The following SCAND3 variants were observed in gnomAD, a reference collection of about 807,000 sequenced individuals.
SCAND3 encodes SCAN domain-containing protein 3.
chr6:28,589,453 C>G, the SCAND3 span: 1 of 151,236 alleles, frequency 6.6e-6, no homozygotes, highest in South Asian at 2.1e-4. Flanking sequence ...TGGGACCTTT[C>G]AAAGGTGAAC....
the SCAND3 span, among the ~76,000 whole-genome samples, chr6:28,592,481 C>A: frequency 6.6e-6 from 1 of 152,054 alleles, no homozygotes; most frequent in Non-Finnish European, 1.5e-5. This position sits in a 1 kb window ranked among gnomAD's most constrained non-coding sequence, Gnocchi z 4.1. Context: ...GAATTAATAT[C>A]GTTAAAATGT....
the SCAND3 span, among the ~76,000 whole-genome samples, chr6:28,588,938 T>C: frequency 6.6e-6 from 1 of 152,218 alleles, no homozygotes; most frequent in South Asian, 2.1e-4. The surrounding 1 kb of genome is among the most constrained non-coding windows in gnomAD (Gnocchi z 4.1). Flanking sequence ...AAGAGGTTGC[T>C]CTGTATGAAA....
At chr6:28,604,529 T>C in the SCAND3 span, among the ~76,000 whole-genome samples, 1 of 151,654 alleles carries the variant, frequency 6.6e-6, no homozygotes, top group African/African-American at 2.4e-5. Flanking sequence ...GGCAGGAGAA[T>C]TGCTTGAGCC....
chr6:28,603,125 C>A, the SCAND3 span, among the ~76,000 whole-genome samples: 1 of 151,890 alleles, frequency 6.6e-6, no homozygotes. Flanking sequence ...CCACGTCCAG[C>A]TAAATTTTTT....
At chr6:28,574,729 T>C in the SCAND3 span, 4 of 1,614,154 alleles carry the variant, frequency 2.5e-6, no homozygotes, top group Non-Finnish European at 3.4e-6. Flanking sequence ...TCTTTGAATC[T>C]CATCATGTTT....
At chr6:28,615,169 G>A in the SCAND3 span, among the ~76,000 whole-genome samples, 37 of 152,198 alleles carry the variant, frequency 2.4e-4, no homozygotes, top group African/African-American at 8.9e-4. Flanking sequence ...CCCTGAACCA[G>A]TGCATAAACA....
the SCAND3 span, among the ~76,000 whole-genome samples, chr6:28,608,624 G>A: frequency 6.6e-6 from 1 of 152,100 alleles, no homozygotes; most frequent in Non-Finnish European, 1.5e-5. Flanking sequence ...AAAGAAACCA[G>A]TTTTTCCCTT....
the SCAND3 span, among the ~76,000 whole-genome samples, chr6:28,607,966 A>C: frequency 6.6e-6 from 1 of 152,180 alleles, no homozygotes; most frequent in Admixed American, 6.5e-5. Flanking sequence ...ATGAGACAAT[A>C]TGTTGTGGAA....
At chr6:28,572,813 C>T in the SCAND3 span, 1 of 1,612,400 alleles carries the variant, frequency 6.2e-7, no homozygotes. The surrounding 1 kb of genome is among the most constrained non-coding windows in gnomAD (Gnocchi z 4.1). Flanking sequence ...ATATAATTCA[C>T]AATTTTTACT....
the SCAND3 span, among the ~76,000 whole-genome samples, chr6:28,578,763 T>C: frequency 6.6e-6 from 1 of 152,184 alleles, no homozygotes; most frequent in Non-Finnish European, 1.5e-5. Flanking sequence ...TTTTACCTAA[T>C]CCTTTTTAAA....
At chr6:28,573,338 C>T in the SCAND3 span, 1 of 1,614,108 alleles carries the variant, frequency 6.2e-7, no homozygotes, top group Non-Finnish European at 8.5e-7. Flanking sequence ...TCCAAGCAAA[C>T]TTCTTTGATG....
chr6:28,586,380 C>T, the SCAND3 span: 4 of 1,613,986 alleles, frequency 2.5e-6, no homozygotes, highest in Non-Finnish European at 3.4e-6. This position sits in a 1 kb window ranked among gnomAD's most constrained non-coding sequence, Gnocchi z 4.4. Context: ...ATTATGCTCC[C>T]GCACCCAAGA....
the SCAND3 span, chr6:28,572,025 T>G: frequency 6.2e-7 from 1 of 1,614,064 alleles, no homozygotes; most frequent in South Asian, 1.1e-5. This position sits in a 1 kb window ranked among gnomAD's most constrained non-coding sequence, Gnocchi z 4.1. Context: ...TATGTTTTGT[T>G]TTAATAACAC....
At chr6:28,599,217 G>T in the SCAND3 span, among the ~76,000 whole-genome samples, 4 of 152,140 alleles carry the variant, frequency 2.6e-5, no homozygotes, top group African/African-American at 9.7e-5. Context: ...ACTCAATATT[G>T]TCAAGACATC....
At chr6:28,591,652 T>C in the SCAND3 span, 4 of 152,242 alleles carry the variant, frequency 2.6e-5, no homozygotes, top group African/African-American at 9.6e-5. Flanking sequence ...CTATTAGCTA[T>C]AGATCCCCAG....
the SCAND3 span, among the ~76,000 whole-genome samples, chr6:28,600,549 T>C: frequency 6.6e-6 from 1 of 152,040 alleles, no homozygotes; most frequent in Non-Finnish European, 1.5e-5. Flanking sequence ...GAGAGGCCTG[T>C]TTGAGCCCAG....
the SCAND3 span, chr6:28,574,703 G>A: frequency 6.2e-7 from 1 of 1,614,078 alleles, no homozygotes; most frequent in South Asian, 1.1e-5. Context: ...ATTTTGGAAG[G>A]TTTAACAGGC....
At chr6:28,581,231 A>T in the SCAND3 span, among the ~76,000 whole-genome samples, 1 of 152,118 alleles carries the variant, frequency 6.6e-6, no homozygotes, top group Non-Finnish European at 1.5e-5. Context: ...CCAGCTACTC[A>T]GGAGGCTGAG....
At chr6:28,600,603 G>A in the SCAND3 span, among the ~76,000 whole-genome samples, 1 of 151,932 alleles carries the variant, frequency 6.6e-6, no homozygotes, top group Non-Finnish European at 1.5e-5. Context: ...CTCCAGCCTG[G>A]GTGACAAAGT....
Sources: allele counts gnomAD v4.1 joint callset (sites outside exome capture counted in the v4.1 genomes callset), GRCh38; gene constraint gnomAD v4.1.1; non-coding constraint Gnocchi (gnomAD v3.1); transcripts MANE v1.5; gene names NCBI Gene and HGNC (gene_info 2026-07-23, HGNC 2026-07-21).